DRC12: variants seen among roughly 807,000 people sequenced by gnomAD.
DRC12 encodes dynein regulatory complex protein 12.
chr11:119,191,979 T>TTTTC, the DRC12 span, among the ~76,000 whole-genome samples: 1 of 27,236 alleles, frequency 3.7e-5, no homozygotes, highest in Non-Finnish European at 6.7e-5. Flanking sequence ...CCGAAGGCCT[T>TTTTC]TTTTTTTTTT....
chr11:119,193,930 C>T, the DRC12 span: 1 of 1,535,768 alleles, frequency 6.5e-7, no homozygotes, highest in African/African-American at 1.4e-5. Context: ...CTGGGTCCCA[C>T]TAAATCAGCC....
chr11:119,193,810 G>C, the DRC12 span: 1 of 1,551,660 alleles, frequency 6.4e-7, no homozygotes, highest in East Asian at 2.4e-5. Flanking sequence ...TTCCAGCTCA[G>C]CCTCCACCCC....
chr11:119,193,371 T>A, the DRC12 span: 6 of 882,730 alleles, frequency 6.8e-6, no homozygotes, highest in Non-Finnish European at 1.1e-5. Flanking sequence ...GCCTTCTTGG[T>A]TCTTTTTGTG....
At chr11:119,195,677 T>C in the DRC12 span, 1 of 596,538 alleles carries the variant, frequency 1.7e-6, no homozygotes, top group African/African-American at 1.9e-5. Context: ...AGGATGGAGT[T>C]TTTTCTCTCA....
chr11:119,193,933 A>T, the DRC12 span: 2 of 1,534,612 alleles, frequency 1.3e-6, no homozygotes, highest in Non-Finnish European at 8.8e-7. Context: ...GGTCCCACTA[A>T]ATCAGCCCCC....
the DRC12 span, chr11:119,193,243 T>G: frequency 5.0e-6 from 8 of 1,613,948 alleles, no homozygotes; most frequent in East Asian, 1.8e-4. Flanking sequence ...GCGACTCATC[T>G]CTGGGGTGGG....
the DRC12 span, among the ~76,000 whole-genome samples, chr11:119,192,203 T>C: frequency 2.0e-5 from 3 of 152,172 alleles, no homozygotes; most frequent in East Asian, 5.8e-4. Flanking sequence ...CTCAAACTCC[T>C]GGCCTCAAGC....
At chr11:119,193,755 C>G in the DRC12 span, 3 of 1,551,534 alleles carry the variant, frequency 1.9e-6, no homozygotes, top group Non-Finnish European at 1.7e-6. Flanking sequence ...CCTGCTTAAC[C>G]GACCACACAC....
the DRC12 span, chr11:119,193,279 T>C: frequency 6.4e-7 from 1 of 1,564,588 alleles, no homozygotes; most frequent in Non-Finnish European, 8.8e-7. Context: ...GGGACCCAGG[T>C]TGGAGATGGA....
the DRC12 span, among the ~76,000 whole-genome samples, chr11:119,191,349 C>T: frequency 3.3e-5 from 5 of 151,776 alleles, no homozygotes; most frequent in East Asian, 2.0e-4. Flanking sequence ...CCGCCCGCCT[C>T]GGCCTCCCAA....
At chr11:119,192,892 C>T in the DRC12 span, among the ~76,000 whole-genome samples, 21 of 152,122 alleles carry the variant, frequency 1.4e-4, no homozygotes, top group African/African-American at 4.1e-4. Flanking sequence ...GTGATCCGCC[C>T]GCCTTGGCCT....
the DRC12 span, chr11:119,190,781 G>A: frequency 2.0e-5 from 32 of 1,613,954 alleles, no homozygotes; most frequent in South Asian, 1.5e-4. This position sits in a 1 kb window ranked among gnomAD's most constrained non-coding sequence, Gnocchi z 4.2. Context: ...GCCTGGTCCC[G>A]CTCTCCGAGA....
the DRC12 span, chr11:119,190,570 C>A: frequency 6.5e-7 from 1 of 1,549,216 alleles, no homozygotes; most frequent in South Asian, 1.2e-5. This position sits in a 1 kb window ranked among gnomAD's most constrained non-coding sequence, Gnocchi z 4.2. Flanking sequence ...CCTCTGTCTG[C>A]CCTCAGGATA....
the DRC12 span, chr11:119,193,222 G>A: frequency 1.2e-6 from 2 of 1,614,090 alleles, no homozygotes; most frequent in Non-Finnish European, 1.7e-6. Context: ...CTCCTGCAGG[G>A]CATGGCACTG....
the DRC12 span, chr11:119,195,811 C>T: frequency 4.2e-6 from 1 of 240,920 alleles, no homozygotes; most frequent in African/African-American, 2.3e-5. Flanking sequence ...GTAGGATCCT[C>T]TCCTGCCAGC....
chr11:119,191,858 C>T, the DRC12 span, among the ~76,000 whole-genome samples: 1,756 of 151,782 alleles, frequency 0.012, 29 homozygotes, highest in African/African-American at 0.04. Context: ...ACAGCAAAAA[C>T]AAAAACAATT....
the DRC12 span, chr11:119,193,903 G>A: frequency 3.9e-6 from 6 of 1,550,342 alleles, no homozygotes; most frequent in Non-Finnish European, 5.2e-6. Flanking sequence ...CAGTCCCAGA[G>A]CCGCCGTCAG....
the DRC12 span, chr11:119,194,913 C>A: frequency 6.5e-7 from 1 of 1,550,336 alleles, no homozygotes; most frequent in African/African-American, 1.4e-5. Context: ...CCAGCTTCTA[C>A]CCTCCTTACC....
At chr11:119,194,895 C>A in the DRC12 span, 1 of 1,534,232 alleles carries the variant, frequency 6.5e-7, no homozygotes, top group Admixed American at 2.0e-5. Flanking sequence ...CCCTGTTGCC[C>A]ACCCATGCCA....
Sources: allele counts gnomAD v4.1 joint callset (sites outside exome capture counted in the v4.1 genomes callset), GRCh38; gene constraint gnomAD v4.1.1; non-coding constraint Gnocchi (gnomAD v3.1); transcripts MANE v1.5; gene names NCBI Gene and HGNC (gene_info 2026-07-23, HGNC 2026-07-21).